The following FBXW7 variants were observed in gnomAD, a reference collection of about 807,000 sequenced individuals.
The protein encoded by FBXW7 is F-box and WD repeat domain containing 7.
Under a neutral mutation model 86.3 loss-of-function variants are expected in FBXW7, and 11 were observed. The ratio of observed to expected loss-of-function variants is 0.13; its 90% CI spans 0.08 to 0.21. FBXW7 has a LOEUF of 0.21. Among genes scored for constraint, FBXW7 ranks in the 10% least tolerant of loss-of-function variants. The probability of loss-of-function intolerance (pLI) is 1.00; values close to 1 mark genes in which losing one functional copy is unlikely to be tolerated. For missense variants in FBXW7, 488 were observed against 847.4 expected, an observed-to-expected ratio of 0.58 and a Z score of 5.27; for synonymous variants, 313 against 297.9, an observed-to-expected ratio of 1.05 and a Z score of -0.52.
intron 6 of FBXW7, among the ~76,000 whole-genome samples, chr4:152,343,476 T>C (rs116204067): frequency 1.1e-4 from 17 of 152,318 alleles, no homozygotes; most frequent in African/African-American, 4.1e-4. Flanking sequence ...TAATGTTATG[T>C]GTTTTATAGA....
chr4:152,326,336 T>A, intron 11 of FBXW7, 105 bp from the exon 12 acceptor site: 9 of 246,624 alleles, frequency 3.6e-5, no homozygotes, highest in Non-Finnish European at 5.4e-5. Context: ...TTTTTTAGCT[T>A]TTTTTTTTTT....
At chr4:152,458,573 T>C (rs1742650987) in intron 2 of FBXW7, among the ~76,000 whole-genome samples, 2 of 152,220 alleles carry the variant, frequency 1.3e-5, no homozygotes, top group Admixed American at 6.5e-5. Flanking sequence ...CAGCCAATAT[T>C]GTATCAGACA....
intron 4 of FBXW7, among the ~76,000 whole-genome samples, chr4:152,357,390 G>C (rs754502437): frequency 2.0e-5 from 3 of 151,248 alleles, no homozygotes; most frequent in Non-Finnish European, 2.9e-5. Context: ...GCGCAATCTC[G>C]GCTCATTGCA....
At chr4:152,513,931 A>T (rs1242748091) in intron 2 of FBXW7, among the ~76,000 whole-genome samples, 1 of 152,254 alleles carries the variant, frequency 6.6e-6, no homozygotes, top group Admixed American at 6.5e-5. Context: ...CTTACTTGAA[A>T]TGTGACTAAG....
chr4:152,418,150 CACACA>C (rs1289136118), intron 2 of FBXW7, among the ~76,000 whole-genome samples: 1 of 151,860 alleles, frequency 6.6e-6, no homozygotes, highest in East Asian at 1.9e-4. Context: ...CACACACACA[CACACA>C]CACACACAAA....
intron 2 of FBXW7, among the ~76,000 whole-genome samples, chr4:152,520,201 A>G (rs1344241170): frequency 2.0e-5 from 3 of 152,014 alleles, no homozygotes; most frequent in Admixed American, 2.0e-4. Context: ...TGGGAGGCCG[A>G]GGCGGGTGGA....
At chr4:152,446,942 G>C (rs1353092206) in intron 2 of FBXW7, among the ~76,000 whole-genome samples, 1 of 152,032 alleles carries the variant, frequency 6.6e-6, no homozygotes, top group Non-Finnish European at 1.5e-5. Context: ...TTTTTTCTTG[G>C]AAGTCAAGAG....
chr4:152,503,818 T>C (rs2149704161), intron 2 of FBXW7, among the ~76,000 whole-genome samples: 1 of 152,324 alleles, frequency 6.6e-6, no homozygotes, highest in Admixed American at 6.5e-5. Flanking sequence ...TATTCCACTG[T>C]ATGATACACA....
At chr4:152,415,241 TAC>T (rs1176470505) in intron 2 of FBXW7, among the ~76,000 whole-genome samples, 4 of 152,094 alleles carry the variant, frequency 2.6e-5, no homozygotes, top group African/African-American at 7.2e-5. Context: ...CACTGAGGAA[TAC>T]AGTTTATACC....
rs1298823965 is a variant in FBXW7 at position 152,418,331 on chromosome 4, T to C, written c.-119-5802A>G. The stretch of plus-strand genomic sequence containing the variant: ...TCTCTGTAAGGTGTGAAGAAAATGG[T>C]TGGGTTTTCTTTATTTCAAAGGACA... On this transcript the variant is annotated intron_variant, in intron 2 of 13. Coordinates refer to ENST00000281708, the MANE Select transcript of FBXW7 (RefSeq NM_001349798.2). 1.5e-4 allele frequency among the ~76,000 whole-genome samples: 23 copies of C among 152,172 alleles called. 1 individual carries two copies. Among genetic ancestry groups the C allele is most frequent in the Admixed American group, 1.4e-3 (22 of 15,272 alleles).
At chr4:152,356,165 A>G (rs1560798663) in intron 4 of FBXW7, among the ~76,000 whole-genome samples, 1 of 152,030 alleles carries the variant, frequency 6.6e-6, no homozygotes, top group Non-Finnish European at 1.5e-5. Context: ...CATTGTCATT[A>G]TTTTTATACA....
chr4:152,389,686 C>T (rs1287792330), intron 4 of FBXW7, among the ~76,000 whole-genome samples: 2 of 151,822 alleles, frequency 1.3e-5, no homozygotes, highest in Non-Finnish European at 2.9e-5. Flanking sequence ...GACAGGTACA[C>T]TAAAGGCCCA....
At chr4:152,393,340 T>G (rs1393342436) in intron 4 of FBXW7, among the ~76,000 whole-genome samples, 1 of 152,092 alleles carries the variant, frequency 6.6e-6, no homozygotes, top group Non-Finnish European at 1.5e-5. Context: ...CCCTTCTGAG[T>G]AAAGAAGCAC....
At chr4:152,397,610 G>C (rs913479156) in intron 4 of FBXW7, among the ~76,000 whole-genome samples, 43 of 146,278 alleles carry the variant, frequency 2.9e-4, no homozygotes. Context: ...CAGTCTTACT[G>C]GCTGTTCATG....
At chr4:152,357,147 C>T (rs2126680923) in intron 4 of FBXW7, among the ~76,000 whole-genome samples, 1 of 152,148 alleles carries the variant, frequency 6.6e-6, no homozygotes, top group African/African-American at 2.4e-5. Context: ...AGAAAAAAAT[C>T]CCAAACACTA....
At chr4:152,443,134 T>C (rs745813172) in intron 2 of FBXW7, among the ~76,000 whole-genome samples, 1 of 152,036 alleles carries the variant, frequency 6.6e-6, no homozygotes, top group Non-Finnish European at 1.5e-5. Context: ...TGGTGGTGCA[T>C]GCCTGTAATC....
chr4:152,420,710 G>T (rs1367878503), intron 2 of FBXW7, among the ~76,000 whole-genome samples: 1 of 152,172 alleles, frequency 6.6e-6, no homozygotes, highest in Non-Finnish European at 1.5e-5. Flanking sequence ...CATTGTCAGT[G>T]AGCAGTAATA....
chr4:152,329,446 T>C (rs1729351115), intron 10 of FBXW7, among the ~76,000 whole-genome samples: 2 of 151,830 alleles, frequency 1.3e-5, no homozygotes, highest in African/African-American at 2.4e-5. Flanking sequence ...AGACAAACTA[T>C]GTAAATGAAA....
At chr4:152,476,280 A>G (rs971763125) in intron 2 of FBXW7, among the ~76,000 whole-genome samples, 11 of 152,208 alleles carry the variant, frequency 7.2e-5, no homozygotes, top group Admixed American at 1.3e-4. Flanking sequence ...TCCATACGCA[A>G]AAACAATGAA....
Sources: allele counts gnomAD v4.1 joint callset (sites outside exome capture counted in the v4.1 genomes callset), GRCh38; gene constraint gnomAD v4.1.1; transcripts MANE v1.5; gene names NCBI Gene and HGNC (gene_info 2026-07-23, HGNC 2026-07-21).